Variants in DNAJB6 observed in about 807,000 individuals in gnomAD.
DNAJB6 encodes dnaJ homolog subfamily B member 6.
DNAJB6 carries 16 observed loss-of-function variants against 42.7 expected under a neutral mutation model. The ratio of observed to expected loss-of-function variants is 0.37; its 90% CI spans 0.25 to 0.57. The LOEUF (loss-of-function observed/expected upper bound fraction) is 0.57, where lower values mean the gene tolerates loss of function less well. Ranked by LOEUF, DNAJB6 falls within the 20% of genes least tolerant of loss-of-function variation. The probability of loss-of-function intolerance (pLI) is 0.74; values close to 1 mark genes in which losing one functional copy is unlikely to be tolerated. For synonymous variants in DNAJB6, 170 were observed against 163.5 expected (o/e 1.04, Z -0.30); for missense variants, 347 against 416.8 (o/e 0.83, Z 1.46).
chr7:157,349,489 C>CTT (rs58835521), intron 1 of DNAJB6, among the ~76,000 whole-genome samples: 29 of 148,548 alleles, frequency 2.0e-4, no homozygotes, highest in East Asian at 3.9e-4. Flanking sequence ...AGTTTTATTA[C>CTT]TTTTTTTTTT....
intron 1 of DNAJB6, among the ~76,000 whole-genome samples, chr7:157,343,413 C>T (rs1370542165): frequency 1.3e-5 from 2 of 152,112 alleles, no homozygotes; most frequent in African/African-American, 4.8e-5. Context: ...CCTCGGCCCT[C>T]CAAAGTGCTG....
intron 5 of DNAJB6, among the ~76,000 whole-genome samples, chr7:157,370,308 CATTATT>C (rs1281900252): frequency 6.7e-6 from 1 of 149,362 alleles, no homozygotes; most frequent in Non-Finnish European, 1.5e-5. Flanking sequence ...CCCTTCTTAA[CATTATT>C]ATTAAACGGG....
intron 8 of DNAJB6, among the ~76,000 whole-genome samples, chr7:157,392,652 C>T (rs1050454491): frequency 3.9e-5 from 6 of 152,226 alleles, no homozygotes; most frequent in South Asian, 2.1e-4. Flanking sequence ...AGCTCCTTTC[C>T]AGCTCGTTTC....
At chr7:157,375,566 T>C (rs1429460462) in intron 5 of DNAJB6, among the ~76,000 whole-genome samples, 7 of 152,238 alleles carry the variant, frequency 4.6e-5, no homozygotes, top group Non-Finnish European at 1.0e-4. Flanking sequence ...TGCTGTTTAG[T>C]GCCAGGCACT....
intron 8 of DNAJB6, among the ~76,000 whole-genome samples, chr7:157,401,238 A>G (rs537151887): frequency 7.9e-5 from 12 of 151,414 alleles, no homozygotes; most frequent in African/African-American, 2.9e-4. Context: ...TTTTTTTTTG[A>G]GAAGGAGTCT....
chr7:157,372,543 TG>T (rs1320275025), intron 5 of DNAJB6, among the ~76,000 whole-genome samples: 1 of 152,158 alleles, frequency 6.6e-6, no homozygotes, highest in Non-Finnish European at 1.5e-5. Context: ...TAGAATAAAA[TG>T]GTTTCCTCTA....
rs1395953858 is a variant in DNAJB6, at chr7:157,416,085, A to C, written c.968A>C (p.Lys323Thr). 6.2e-7 allele frequency: 1 copy of C among 1,613,866 alleles called. No individual in the cohort carries two copies. Among genetic ancestry groups the C allele is most frequent in the Non-Finnish European group, 8.5e-7 (1 of 1,179,928 alleles). ...REESKKKKST[K>T]GNH is the part of the protein sequence containing the mutation. ...GAGTCGAAGAAGAAGAAGTCGACCA[A>C]AGGCAATCACTAGACCGGACTTGAG... The change falls in exon 10 of 10, where the codon AAA becomes ACA. Residue 323 changes from lysine (K) to threonine (T), a missense_variant. Coordinates refer to ENST00000262177, the MANE Select transcript of DNAJB6 (RefSeq NM_058246.4).
intron 1 of DNAJB6, among the ~76,000 whole-genome samples, chr7:157,343,366 G>C (rs1798517670): frequency 6.6e-6 from 1 of 152,108 alleles, no homozygotes; most frequent in Admixed American, 6.6e-5. Context: ...TGCCATGTTG[G>C]CCGGGCTGGT....
At chr7:157,391,390 A>G (rs1801334080) in intron 8 of DNAJB6, among the ~76,000 whole-genome samples, 1 of 152,238 alleles carries the variant, frequency 6.6e-6, no homozygotes, top group Non-Finnish European at 1.5e-5. Flanking sequence ...TGAACGAGAA[A>G]GTGCTGTTTT....
intron 5 of DNAJB6, chr7:157,378,551 T>C (rs1800590357): frequency 6.6e-6 from 1 of 152,250 alleles, no homozygotes; most frequent in Non-Finnish European, 1.5e-5. Flanking sequence ...ATAGTTGTGA[T>C]GCCCACAGGC....
At chr7:157,391,422 T>C (rs563174842) in intron 8 of DNAJB6, among the ~76,000 whole-genome samples, 1 of 152,360 alleles carries the variant, frequency 6.6e-6, no homozygotes, top group African/African-American at 2.4e-5. Flanking sequence ...TTCAGCCGTA[T>C]CTTTCCGTGT....
At chr7:157,347,439 T>C (rs1046340351) in intron 1 of DNAJB6, among the ~76,000 whole-genome samples, 1 of 152,232 alleles carries the variant, frequency 6.6e-6, no homozygotes, top group Non-Finnish European at 1.5e-5. Flanking sequence ...ACTCCTGGGC[T>C]GAAGCCATCC....
chr7:157,345,342 T>G (rs1485273143), intron 1 of DNAJB6, among the ~76,000 whole-genome samples: 1 of 152,144 alleles, frequency 6.6e-6, no homozygotes, highest in Non-Finnish European at 1.5e-5. Context: ...GACAGGGCCT[T>G]GCCCTGTCTC....
intron 1 of DNAJB6, among the ~76,000 whole-genome samples, chr7:157,347,031 A>AT (rs1158809291): frequency 2.6e-5 from 4 of 151,910 alleles, no homozygotes; most frequent in Non-Finnish European, 4.4e-5. Flanking sequence ...AATTTTTTCT[A>AT]TTTTTAGTAG....
At chr7:157,411,699 G>T (rs909444652) in intron 9 of DNAJB6, 1 of 152,190 alleles carries the variant, frequency 6.6e-6, no homozygotes, top group Non-Finnish European at 1.5e-5. Flanking sequence ...CCGCCTGGGG[G>T]AGCCATGTTT....
chr7:157,337,966 C>A (rs765493518), intron 1 of DNAJB6, among the ~76,000 whole-genome samples: 2 of 152,118 alleles, frequency 1.3e-5, no homozygotes, highest in Non-Finnish European at 2.9e-5. Context: ...GCAAGTAGAA[C>A]GATCGTGCCA....
chr7:157,367,526 C>A, intron 5 of DNAJB6, 43 bp downstream of exon 5: 1 of 1,147,860 alleles, frequency 8.7e-7, no homozygotes, highest in Non-Finnish European at 1.3e-6. Flanking sequence ...GTCCATGACC[C>A]AAATGAGGGC....
rs1158442868 is a variant in DNAJB6, at chr7:157,409,993, C to T, written c.890C>T (p.Ser297Phe). 3 of 1,530,618 alleles carry T rather than the reference C, an allele frequency of 2.0e-6. No homozygotes were observed. The highest frequency in any genetic ancestry group is 2.6e-6 in the Non-Finnish European group (3 of 1,141,748). The allele number at this position is 1,530,618 out of a possible 1,614,324, so 94.8% of individuals were successfully genotyped here. The change falls in exon 9 of 10, where the codon TCC becomes TTC. Residue 297 changes from serine (S) to phenylalanine (F), a missense_variant. Ser to Phe is a radical substitution (Grantham distance 155). Coordinates refer to ENST00000262177, the MANE Select transcript of DNAJB6 (RefSeq NM_058246.4). ...RAPGPWDPLASAAGLKEGGKR... is the reference protein window; with the variant it reads ...RAPGPWDPLAFAAGLKEGGKR... ...CCCGGGCCCTGGGACCCCCTCGCGTCCGCAGCAGGTGTGCAAAGGGAGGCA... is the reference window on the plus strand; with the variant it reads ...CCCGGGCCCTGGGACCCCCTCGCGTTCGCAGCAGGTGTGCAAAGGGAGGCA...
At chr7:157,346,916 T>C (rs4618577) in intron 1 of DNAJB6, among the ~76,000 whole-genome samples, 82,837 of 152,130 alleles carry the variant, frequency 0.54, 22,827 homozygotes, top group East Asian at 0.76. Context: ...AGTGCAGTGG[T>C]GCGATCTCGG....
Sources: allele counts gnomAD v4.1 joint callset (sites outside exome capture counted in the v4.1 genomes callset), GRCh38; gene constraint gnomAD v4.1.1; transcripts MANE v1.5; gene names NCBI Gene and HGNC (gene_info 2026-07-23, HGNC 2026-07-21).